XRRA1: variants seen among roughly 807,000 people sequenced by gnomAD.
The protein encoded by XRRA1 is X-ray radiation resistance-associated protein 1.
In XRRA1, 69 loss-of-function variants were observed where a neutral mutation model predicts 80.2. The ratio of observed to expected loss-of-function variants is 0.86; its 90% CI spans 0.71 to 1.05. XRRA1 has a LOEUF of 1.05. Among genes scored for constraint, XRRA1 ranks in the 50% least tolerant of loss-of-function variants. XRRA1 has a pLI of 0.00. For missense variants in XRRA1, 967 were observed against 976.4 expected (o/e 0.99, Z 0.13); for synonymous variants, 348 against 389.9 (o/e 0.89, Z 1.27).
At chr11:74,847,175 ATTTC>A (rs749671523) in intron 15 of XRRA1, among the ~76,000 whole-genome samples, 37 of 152,202 alleles carry the variant, frequency 2.4e-4, no homozygotes, top group Non-Finnish European at 4.1e-4. Context: ...GTTCTGAGAT[ATTTC>A]TTTAAGATAC....
chr11:74,849,823 A>C (rs1260010955), intron 14 of XRRA1, among the ~76,000 whole-genome samples: 4 of 152,308 alleles, frequency 2.6e-5, no homozygotes, highest in African/African-American at 9.6e-5. Flanking sequence ...TCTTGGTTAC[A>C]GGCCTGCTCT....
At chr11:74,930,400 A>G (rs1482898967) in intron 5 of XRRA1, 28 bp from the exon 6 acceptor site, 2 of 1,522,994 alleles carry the variant, frequency 1.3e-6, no homozygotes, top group South Asian at 2.5e-5. Context: ...AGAAAAAAAA[A>G]AAAATCCACA....
At chr11:74,909,380 A>G (rs775809308) in intron 8 of XRRA1, among the ~76,000 whole-genome samples, 5 of 152,192 alleles carry the variant, frequency 3.3e-5, no homozygotes, top group Non-Finnish European at 7.4e-5. Flanking sequence ...GTGTTGATTT[A>G]TAATTGATTG....
At chr11:74,948,456 T>C (rs977386570) in intron 1 of XRRA1, among the ~76,000 whole-genome samples, 1 of 152,250 alleles carries the variant, frequency 6.6e-6, no homozygotes, top group African/African-American at 2.4e-5. Context: ...CTGTATCCGT[T>C]AGTACAATAT....
intron 14 of XRRA1, among the ~76,000 whole-genome samples, chr11:74,848,952 C>A (rs186941455): frequency 7.2e-4 from 109 of 152,268 alleles, no homozygotes; most frequent in Middle Eastern, 3.4e-3. Context: ...CAGCACCAGG[C>A]CCCTTTCAGG....
chr11:74,846,811 T>C (rs760165420), intron 15 of XRRA1, among the ~76,000 whole-genome samples: 1 of 152,100 alleles, frequency 6.6e-6, no homozygotes, highest in Admixed American at 6.5e-5. Context: ...AAAGACTGAA[T>C]GCTTTCCCCT....
At chr11:74,914,515 C>A (rs535708474) in intron 8 of XRRA1, among the ~76,000 whole-genome samples, 60 of 152,234 alleles carry the variant, frequency 3.9e-4, no homozygotes, top group African/African-American at 1.4e-3. Flanking sequence ...GGGTACCATA[C>A]ATCCTGGATT....
chr11:74,908,041 A>G (rs2055025020), intron 8 of XRRA1, among the ~76,000 whole-genome samples: 1 of 152,086 alleles, frequency 6.6e-6, no homozygotes, highest in Non-Finnish European at 1.5e-5. Flanking sequence ...TAACGTTTTC[A>G]TTCTTCCCTC....
At chr11:74,882,901 C>G (rs1397223570) in intron 10 of XRRA1, among the ~76,000 whole-genome samples, 1 of 152,220 alleles carries the variant, frequency 6.6e-6, no homozygotes, top group African/African-American at 2.4e-5. Flanking sequence ...GGGATAACCA[C>G]TGCTCTCTTC....
chr11:74,937,038 C>T lies in XRRA1; in HGVS notation c.125G>A (p.Gly42Asp). The change falls in exon 4 of 19, where the codon GGT becomes GAT. Residue 42 changes from glycine (G) to aspartate (D), a missense_variant. Coordinates refer to ENST00000684022, the MANE Select transcript of XRRA1 (RefSeq NM_001378157.1). The part of the protein sequence containing the change: ...GQGHWLVVQK[G>D]NLKKKPKGLV... Reference sequence around the variant, plus strand: ...ACCCTTGGGCTTCTTCTTGAGGTTACCTTTCTGAACCACTAACCAGTGTCC... The same window carrying T: ...ACCCTTGGGCTTCTTCTTGAGGTTATCTTTCTGAACCACTAACCAGTGTCC... 1 of 1,613,850 alleles carries T rather than the reference C, an allele frequency of 6.2e-7. No individual in the cohort carries two copies. The highest frequency in any genetic ancestry group is 1.6e-4 in the Middle Eastern group (1 of 6,062).
intron 10 of XRRA1, among the ~76,000 whole-genome samples, chr11:74,874,621 T>C (rs1469923812): frequency 6.6e-6 from 1 of 152,254 alleles, no homozygotes; most frequent in Non-Finnish European, 1.5e-5. Context: ...GCACGATTGC[T>C]GTCCTCTAAG....
chr11:74,853,517 C>T (rs2040396189), intron 12 of XRRA1, among the ~76,000 whole-genome samples: 1 of 152,074 alleles, frequency 6.6e-6, no homozygotes, highest in East Asian at 1.9e-4. Context: ...CCCTGCTTGA[C>T]CATCTAACAG....
intron 2 of XRRA1, among the ~76,000 whole-genome samples, chr11:74,943,072 A>C (rs1265180465): frequency 6.6e-6 from 1 of 152,184 alleles, no homozygotes; most frequent in Non-Finnish European, 1.5e-5. Context: ...CAAGTGTTCC[A>C]TTTCCCTAAC....
chr11:74,905,319 C>T (rs2054354065), intron 10 of XRRA1, among the ~76,000 whole-genome samples: 1 of 152,184 alleles, frequency 6.6e-6, no homozygotes, highest in South Asian at 2.1e-4. Flanking sequence ...ATTCTCCAGC[C>T]TTGGCCTCCC....
At chr11:74,904,011 G>A (rs960554031) in intron 10 of XRRA1, among the ~76,000 whole-genome samples, 3 of 152,082 alleles carry the variant, frequency 2.0e-5, no homozygotes, top group African/African-American at 4.8e-5. Context: ...AAATTATACT[G>A]TATTAGGACC....
intron 10 of XRRA1, among the ~76,000 whole-genome samples, chr11:74,879,904 A>G (rs2047075269): frequency 6.6e-6 from 1 of 151,990 alleles, no homozygotes; most frequent in Non-Finnish European, 1.5e-5. Flanking sequence ...AATGTTCATC[A>G]AAGATATGGG....
chr11:74,875,358 A>C (rs999645580), intron 10 of XRRA1, among the ~76,000 whole-genome samples: 2 of 152,200 alleles, frequency 1.3e-5, no homozygotes, highest in African/African-American at 4.8e-5. Flanking sequence ...CTGCAGAGGC[A>C]GAGTGGGCCA....
intron 10 of XRRA1, among the ~76,000 whole-genome samples, chr11:74,905,350 C>T (rs1036638015): frequency 2.0e-5 from 3 of 152,148 alleles, no homozygotes; most frequent in African/African-American, 4.8e-5. Flanking sequence ...CCACTGTGCC[C>T]GGCCAGTTAT....
At chr11:74,931,792 T>C (rs963770146) in intron 5 of XRRA1, 3 of 152,240 alleles carry the variant, frequency 2.0e-5, no homozygotes, top group African/African-American at 7.2e-5. Context: ...TATGCTCCTA[T>C]CAAGCTGTGG....
Sources: gnomAD v4.1 joint callset for allele counts (sites outside exome capture counted in the v4.1 genomes callset) on GRCh38, gnomAD v4.1.1 for gene constraint, MANE v1.5 for transcripts, NCBI Gene and HGNC (gene_info 2026-07-23, HGNC 2026-07-21) for gene names.